Variants in WWOX observed in about 807,000 individuals in gnomAD.
WWOX encodes the protein WW domain containing oxidoreductase, also known as WW domain-containing oxidoreductase.
Under a neutral mutation model 46.2 loss-of-function variants are expected in WWOX, and 69 were observed. The observed-to-expected ratio is 1.49, with a 90% CI of 1.23 to 1.82. WWOX has a LOEUF of 1.82. WWOX is among the 40% of genes most tolerant of loss of function. The probability of loss-of-function intolerance (pLI) is 0.00; values close to 1 mark genes in which losing one functional copy is unlikely to be tolerated. For missense variants in WWOX, 919 were observed against 542.6 expected, an observed-to-expected ratio of 1.69 and a Z score of -6.89; for synonymous variants, 359 against 202.6, an observed-to-expected ratio of 1.77 and a Z score of -6.56.
chr16:78,211,284 G>A (rs2036551364), intron 5 of WWOX, among the ~76,000 whole-genome samples: 1 of 152,140 alleles, frequency 6.6e-6, no homozygotes, highest in Non-Finnish European at 1.5e-5. Flanking sequence ...CTGTGGCAGG[G>A]GACTCACACG....
intron 8 of WWOX, among the ~76,000 whole-genome samples, chr16:78,659,810 A>G (rs2047171123): frequency 6.6e-6 from 1 of 152,182 alleles, no homozygotes; most frequent in Non-Finnish European, 1.5e-5. Flanking sequence ...CTTTTTTTAC[A>G]AGTCACTCTT....
chr16:78,360,538 G>T lies in WWOX; in HGVS notation c.517-26322G>T, dbSNP rs564118677. ...AGCTGGAGGCTGCAGTGAGCCAAGC[G>T]GAGTGCCACTGCACTCCAGTCTGGG... On this transcript the variant is annotated intron_variant, in intron 5 of 8. Transcript: ENST00000566780. 4.2e-5 allele frequency among the ~76,000 whole-genome samples: 6 copies of T among 144,032 alleles called. No individual in the cohort carries two copies. The East Asian group carries it at 1.2e-3, about 28-fold the overall frequency. The allele number at this position is 144,032 out of a possible 152,430, so 94.5% of individuals were successfully genotyped here.
chr16:78,667,498 G>T (rs1180995683), intron 8 of WWOX, among the ~76,000 whole-genome samples: 1 of 151,786 alleles, frequency 6.6e-6, no homozygotes. Flanking sequence ...GTGAAACCCT[G>T]TCTCTACTAA....
chr16:78,838,840 C>G (rs1182629104), intron 8 of WWOX, among the ~76,000 whole-genome samples: 1 of 152,212 alleles, frequency 6.6e-6, no homozygotes, highest in African/African-American at 2.4e-5. Flanking sequence ...GGTACTCCAT[C>G]TCAAAAGAGA....
chr16:78,708,318 C>T (rs1231453987), intron 8 of WWOX, among the ~76,000 whole-genome samples: 4 of 152,284 alleles, frequency 2.6e-5, no homozygotes, highest in Admixed American at 2.0e-4. Flanking sequence ...TTGGGATATA[C>T]TTCTAAGAAA....
At chr16:79,083,043 C>T (rs937967603) in intron 8 of WWOX, among the ~76,000 whole-genome samples, 3 of 152,134 alleles carry the variant, frequency 2.0e-5, no homozygotes, top group Non-Finnish European at 4.4e-5. Context: ...CTTGGGGCCT[C>T]TTGTTTCAGC....
chr16:79,084,040 C>T (rs1349077742), intron 8 of WWOX, among the ~76,000 whole-genome samples: 1 of 152,168 alleles, frequency 6.6e-6, no homozygotes, highest in Non-Finnish European at 1.5e-5. Context: ...TAAGTCTCCA[C>T]AGGCAGAACC....
intron 8 of WWOX, among the ~76,000 whole-genome samples, chr16:78,621,355 G>T (rs2046176776): frequency 6.6e-6 from 1 of 151,758 alleles, no homozygotes; most frequent in Non-Finnish European, 1.5e-5. Flanking sequence ...TCCTCCTAGT[G>T]GGCAGTTTGC....
chr16:79,029,628 T>C (rs1199953093), intron 8 of WWOX, among the ~76,000 whole-genome samples: 3 of 152,244 alleles, frequency 2.0e-5, no homozygotes, highest in East Asian at 3.8e-4. Flanking sequence ...TATATTCTTA[T>C]ATAAAATTGA....
chr16:79,146,836 C>T (rs563508444), intron 8 of WWOX, among the ~76,000 whole-genome samples: 1 of 152,082 alleles, frequency 6.6e-6, no homozygotes, highest in South Asian at 2.1e-4. Flanking sequence ...GTAGCAAATA[C>T]TGTGTGAGGT....
intron 8 of WWOX, among the ~76,000 whole-genome samples, chr16:78,702,861 T>C (rs1042383071): frequency 1.3e-5 from 2 of 152,084 alleles, no homozygotes; most frequent in Non-Finnish European, 2.9e-5. Context: ...TCCACCATTG[T>C]TAAATCCTGC....
At chr16:78,659,462 C>T (rs1043234396) in intron 8 of WWOX, among the ~76,000 whole-genome samples, 6 of 152,096 alleles carry the variant, frequency 3.9e-5, no homozygotes, top group Admixed American at 3.3e-4. Context: ...GGGAGTAGGG[C>T]TCAGCAATCT....
chr16:78,337,660 T>C, intron 5 of WWOX, among the ~76,000 whole-genome samples: 1 of 152,332 alleles, frequency 6.6e-6, no homozygotes, highest in Middle Eastern at 3.4e-3. Context: ...TTAAAAGTAC[T>C]ATCTGGCCAT....
At chr16:78,555,209 C>T (rs919256634) in intron 8 of WWOX, among the ~76,000 whole-genome samples, 1 of 148,722 alleles carries the variant, frequency 6.7e-6, no homozygotes, top group Non-Finnish European at 1.5e-5. Context: ...TCTCAGAATC[C>T]TCATTGGAGG....
intron 8 of WWOX, among the ~76,000 whole-genome samples, chr16:78,449,793 A>G (rs2083648039): frequency 6.6e-6 from 1 of 152,202 alleles, no homozygotes; most frequent in Admixed American, 6.5e-5. Context: ...ATGTTGCTTT[A>G]GTAGAAGGGG....
chr16:78,533,476 G>C (rs1000111887), intron 8 of WWOX, among the ~76,000 whole-genome samples: 5 of 151,992 alleles, frequency 3.3e-5, no homozygotes, highest in African/African-American at 9.7e-5. Flanking sequence ...TTTGTGTTGG[G>C]CCAGATTCAA....
chr16:78,134,136 G>C (rs1254721419), intron 4 of WWOX, among the ~76,000 whole-genome samples: 1 of 152,146 alleles, frequency 6.6e-6, no homozygotes, highest in African/African-American at 2.4e-5. Flanking sequence ...TGTTAATGTT[G>C]ACTTTACTAG....
At chr16:78,105,941 A>G (rs2032112870) in intron 1 of WWOX, among the ~76,000 whole-genome samples, 1 of 152,158 alleles carries the variant, frequency 6.6e-6, no homozygotes, top group South Asian at 2.1e-4. Context: ...AGCTGGGATT[A>G]CAGGCATGTG....
intron 5 of WWOX, among the ~76,000 whole-genome samples, chr16:78,244,236 G>A (rs1464930957): frequency 6.6e-6 from 1 of 152,230 alleles, no homozygotes; most frequent in Non-Finnish European, 1.5e-5. Flanking sequence ...CTCGGAGTAT[G>A]TGAAGCAGTA....
Sources: allele counts gnomAD v4.1 joint callset (sites outside exome capture counted in the v4.1 genomes callset), GRCh38; gene constraint gnomAD v4.1.1; transcripts MANE v1.5; gene names NCBI Gene and HGNC (gene_info 2026-07-23, HGNC 2026-07-21).